CATSPERE: variants seen among roughly 807,000 people sequenced by gnomAD.
CATSPERE encodes cation channel sperm-associated auxiliary subunit epsilon.
A neutral mutation model predicts 114.1 loss-of-function variants in CATSPERE; 93 were observed. The ratio of observed to expected loss-of-function variants is 0.81; its 90% CI spans 0.69 to 0.97. The LOEUF (loss-of-function observed/expected upper bound fraction) is 0.97. CATSPERE is among the 50% of genes least tolerant of loss of function. The pLI, the probability that CATSPERE is intolerant of heterozygous loss-of-function variation, is 0.00. For synonymous variants in CATSPERE, 341 were observed against 384.1 expected, an observed-to-expected ratio of 0.89 and a Z score of 1.31; for missense variants, 1,058 against 1,131.6, an observed-to-expected ratio of 0.93 and a Z score of 0.93.
At position 244,498,630 on chromosome 1, in the gene CATSPERE, G is replaced by C. The variant is rs1432998456; in HGVS notation, c.352-372G>C. Among the ~76,000 whole-genome samples the C allele has an allele frequency of 2.0e-5, 3 of 152,200 alleles. 1 individual carries two copies. On this transcript the variant is annotated intron_variant, in intron 6 of 21. Transcript: ENST00000366534. The stretch of plus-strand genomic sequence containing the variant: ...AAAGAAAGATGGGCTGGGCGTGGTG[G>C]CTCACGCCTGTAATCGCAGCACTTT...
At chr1:244,619,899 C>T (rs1276778472) in intron 20 of CATSPERE, among the ~76,000 whole-genome samples, 1 of 152,166 alleles carries the variant, frequency 6.6e-6, no homozygotes, top group African/African-American at 2.4e-5. Flanking sequence ...CTATTAGAAA[C>T]AGGGTAAGCA....
At chr1:244,462,534 T>C (rs996583285) in intron 1 of CATSPERE, among the ~76,000 whole-genome samples, 3 of 152,306 alleles carry the variant, frequency 2.0e-5, no homozygotes, top group Admixed American at 6.5e-5. Flanking sequence ...AATTACATAA[T>C]TTAACTTTGT....
upstream of CATSPERE, among the ~76,000 whole-genome samples, chr1:244,460,480 C>T (rs569341698): frequency 1.3e-5 from 2 of 152,372 alleles, no homozygotes; most frequent in African/African-American, 4.8e-5. Context: ...AATCAGCACT[C>T]CTGGCTCACT....
chr1:244,510,782 G>T (rs1000553926), intron 7 of CATSPERE, among the ~76,000 whole-genome samples: 1 of 147,320 alleles, frequency 6.8e-6, no homozygotes, highest in East Asian at 2.0e-4. Context: ...TTATATATCT[G>T]GGTGTGTTGA....
chr1:244,550,457 G>T (rs1048835675), intron 8 of CATSPERE, among the ~76,000 whole-genome samples: 1 of 152,166 alleles, frequency 6.6e-6, no homozygotes, highest in Non-Finnish European at 1.5e-5. Flanking sequence ...TTGAAAAAGA[G>T]CAGTTTGCCC....
Position 244,556,784 on chromosome 1 carries a change from G to T in CATSPERE, c.1030-3884G>T, listed in dbSNP as rs568431411. ...TTCTTTCTCTTTTTTTCCCCAAACT[G>T]TTAGAACTAACAAATAAATTTAGTA... On this transcript the variant is annotated intron_variant, in intron 9 of 21. Coordinates refer to ENST00000366534, the MANE Select transcript of CATSPERE (RefSeq NM_001130957.2). Among the ~76,000 whole-genome samples the T allele has an allele frequency of 7.3e-5, 11 of 151,390 alleles. No homozygotes were observed. The South Asian group carries it at 1.3e-3, about 17-fold the overall frequency.
chr1:244,622,084 T>C (rs1672467901), intron 20 of CATSPERE, among the ~76,000 whole-genome samples: 1 of 152,216 alleles, frequency 6.6e-6, no homozygotes, highest in African/African-American at 2.4e-5. Flanking sequence ...CCAGGCCTCC[T>C]CTAATTTTGT....
intron 7 of CATSPERE, among the ~76,000 whole-genome samples, chr1:244,508,836 A>G (rs1467843034): frequency 6.6e-6 from 1 of 150,548 alleles, no homozygotes; most frequent in African/African-American, 2.4e-5. Context: ...ATCTCTAAAA[A>G]AAAAAAAAAA....
chr1:244,590,432 G>A (rs549860093), intron 14 of CATSPERE, among the ~76,000 whole-genome samples: 1 of 152,264 alleles, frequency 6.6e-6, no homozygotes, highest in South Asian at 2.1e-4. Context: ...TTTAAAAAGT[G>A]TGATGAAATT....
At chr1:244,501,202 T>C (rs1673986100) in intron 7 of CATSPERE, among the ~76,000 whole-genome samples, 1 of 152,252 alleles carries the variant, frequency 6.6e-6, no homozygotes, top group South Asian at 2.1e-4. Flanking sequence ...ATGAAGGGGC[T>C]GACCATTAAG....
In CATSPERE at chr1:244,532,952, T is replaced by G. The variant is rs568775825; in HGVS notation, c.536+14254T>G. Among the ~76,000 whole-genome samples the G allele has an allele frequency of 2.0e-5, 3 of 152,128 alleles. No homozygotes were observed. In the South Asian group the frequency reaches 6.2e-4, roughly 32 times the overall value. On this transcript the variant is annotated intron_variant, in intron 8 of 21. Coordinates refer to ENST00000366534, the MANE Select transcript of CATSPERE (RefSeq NM_001130957.2). The stretch of plus-strand genomic sequence containing the variant: ...TCTGTCCCATGTTAAAAGTGGGATG[T>G]TGAAGTGTCTGGCTATTATTGTATT...
intron 20 of CATSPERE, among the ~76,000 whole-genome samples, chr1:244,630,975 T>C (rs1462334590): frequency 6.6e-6 from 1 of 152,208 alleles, no homozygotes; most frequent in Non-Finnish European, 1.5e-5. Context: ...TCTATACATA[T>C]TCTTAGGGTA....
chr1:244,522,601 GA>G (rs1015204918), intron 8 of CATSPERE, among the ~76,000 whole-genome samples: 1 of 151,608 alleles, frequency 6.6e-6, no homozygotes, highest in African/African-American at 2.4e-5. Flanking sequence ...AACTAATAAA[GA>G]AAAAAAGAGA....
chr1:244,535,483 T>C (rs556758855), intron 8 of CATSPERE, among the ~76,000 whole-genome samples: 2 of 152,296 alleles, frequency 1.3e-5, no homozygotes, highest in African/African-American at 4.8e-5. Context: ...GACATAGCCC[T>C]TTCCACTCCT....
intron 8 of CATSPERE, among the ~76,000 whole-genome samples, chr1:244,524,490 G>T (rs1250321352): frequency 6.6e-6 from 1 of 151,188 alleles, no homozygotes; most frequent in Non-Finnish European, 1.5e-5. Context: ...TGACAAATGG[G>T]ATGTAATTAA....
At chr1:244,534,009 G>A (rs547526846) in intron 8 of CATSPERE, among the ~76,000 whole-genome samples, 1 of 152,156 alleles carries the variant, frequency 6.6e-6, no homozygotes, top group East Asian at 1.9e-4. Context: ...CTTCATGTTT[G>A]AAGGATACTT....
At chr1:244,485,190 CT>C (rs1201642662) in intron 5 of CATSPERE, among the ~76,000 whole-genome samples, 1 of 140,886 alleles carries the variant, frequency 7.1e-6, no homozygotes, top group Non-Finnish European at 1.6e-5. Flanking sequence ...CTTTTTTTTT[CT>C]TTTTTTTTGA....
chr1:244,514,978 G>A (rs1034323233), intron 7 of CATSPERE, among the ~76,000 whole-genome samples: 4 of 152,084 alleles, frequency 2.6e-5, no homozygotes, highest in Admixed American at 2.0e-4. Flanking sequence ...GAAAAAGCTG[G>A]GGAAAGGGTA....
chr1:244,607,969 T>C lies in CATSPERE; in HGVS notation c.2403+2175T>C, dbSNP rs2148683424. Among the ~76,000 whole-genome samples, 1 of 152,184 alleles carries C rather than the reference T, an allele frequency of 6.6e-6. No individual in the cohort carries two copies. Among genetic ancestry groups the C allele is most frequent in the South Asian group, 2.1e-4 (1 of 4,820 alleles). ...TAAAAATAAAAAAATTAGCTGGGCA[T>C]GCTGGCACACACCTGTAATCCCAGC... On this transcript the variant is annotated intron_variant, in intron 18 of 21. Coordinates refer to ENST00000366534, the MANE Select transcript of CATSPERE (RefSeq NM_001130957.2). The surrounding 1 kb of genome is among the most constrained non-coding windows in gnomAD (Gnocchi z 4.4).
Sources: allele counts gnomAD v4.1 joint callset (sites outside exome capture counted in the v4.1 genomes callset), GRCh38; gene constraint gnomAD v4.1.1; non-coding constraint Gnocchi (gnomAD v3.1); transcripts MANE v1.5; gene names NCBI Gene and HGNC (gene_info 2026-07-23, HGNC 2026-07-21).